Variants in ANGPT1 observed in about 807,000 individuals in gnomAD.
ANGPT1 encodes angiopoietin-1.
ANGPT1 carries 17 observed loss-of-function variants against 62.2 expected under a neutral mutation model. The ratio of observed to expected loss-of-function variants is 0.27; its 90% CI spans 0.19 to 0.41. ANGPT1 has a LOEUF of 0.41. Ranked by LOEUF, ANGPT1 falls within the 10% of genes least tolerant of loss-of-function variation. The pLI is 1.00. For synonymous variants in ANGPT1, 199 were observed against 198.9 expected (o/e 1.00, Z 0.00); for missense variants, 478 against 594.9 (o/e 0.80, Z 2.04).
intron 1 of ANGPT1, among the ~76,000 whole-genome samples, chr8:107,446,018 A>G (rs541458120): frequency 3.9e-4 from 59 of 152,230 alleles, no homozygotes; most frequent in African/African-American, 1.3e-3. Context: ...CCCGGGGTCA[A>G]GCGATTCTTC....
intron 4 of ANGPT1, among the ~76,000 whole-genome samples, chr8:107,312,932 G>A (rs1333400964): frequency 6.6e-6 from 1 of 152,042 alleles, no homozygotes; most frequent in African/African-American, 2.4e-5. Context: ...ATAATTCCTA[G>A]CTCTAGAGAG....
rs1563533704 is a variant in ANGPT1 at position 107,250,871 on chromosome 8, T to A, written c.*984A>T. ...TTACATGTATGTATACACATGCAAGTAGATACTGTAAAATGAACTGCTCCA... is the reference window on the plus strand; with the variant it reads ...TTACATGTATGTATACACATGCAAGAAGATACTGTAAAATGAACTGCTCCA... On this transcript the variant is annotated 3_prime_UTR_variant, in exon 9 of 9. Transcript: ENST00000517746. 1 of 152,074 alleles carries A rather than the reference T, an allele frequency of 6.6e-6. No homozygotes were observed. The highest frequency in any genetic ancestry group is 1.5e-5 in the Non-Finnish European group (1 of 67,966). 9.4% of individuals were successfully genotyped at this position (152,074 alleles called of 1,614,324 possible). A position where few individuals can be genotyped will look rare whatever the true frequency, so the allele number is the denominator to read the frequency against.
At chr8:107,472,189 A>T (rs543812395) in intron 1 of ANGPT1, among the ~76,000 whole-genome samples, 7 of 152,094 alleles carry the variant, frequency 4.6e-5, no homozygotes, top group Non-Finnish European at 1.0e-4. Flanking sequence ...TTGTCATAAC[A>T]TTGGCAAGCA....
intron 1 of ANGPT1, among the ~76,000 whole-genome samples, chr8:107,357,210 C>T (rs1229031369): frequency 6.6e-6 from 1 of 152,164 alleles, no homozygotes; most frequent in Admixed American, 6.5e-5. Context: ...CTGTCATGGA[C>T]AGCTCCAGTA....
intron 7 of ANGPT1, among the ~76,000 whole-genome samples, chr8:107,277,955 T>C (rs908874605): frequency 3.9e-5 from 6 of 152,178 alleles, no homozygotes; most frequent in African/African-American, 1.2e-4. Flanking sequence ...AAGGACATTG[T>C]TGGAGACAAT....
intron 1 of ANGPT1, among the ~76,000 whole-genome samples, chr8:107,482,993 C>T (rs1812726449): frequency 6.6e-6 from 1 of 151,988 alleles, no homozygotes. Context: ...AGAAAAGGAG[C>T]TTTCCAAATA....
chr8:107,460,120 G>A (rs944301367), intron 1 of ANGPT1, among the ~76,000 whole-genome samples: 5 of 152,176 alleles, frequency 3.3e-5, no homozygotes, highest in African/African-American at 4.8e-5. Flanking sequence ...TTCACAGTAC[G>A]AATCTGGTGA....
intron 1 of ANGPT1, among the ~76,000 whole-genome samples, chr8:107,422,422 T>C (rs558358824): frequency 9.8e-5 from 15 of 152,310 alleles, no homozygotes; most frequent in Admixed American, 3.9e-4. Flanking sequence ...TGTCCCATAG[T>C]GTTCACAGAA....
intron 1 of ANGPT1, among the ~76,000 whole-genome samples, chr8:107,450,705 G>GGTGTGT (rs140884696): frequency 0.39 from 55,788 of 142,172 alleles, 11,804 homozygotes; most frequent in East Asian, 0.61. Flanking sequence ...AATGGGAATA[G>GGTGTGT]GTGTGTGTGT....
intron 1 of ANGPT1, among the ~76,000 whole-genome samples, chr8:107,439,841 T>G (rs1811426379): frequency 2.0e-5 from 3 of 152,118 alleles, no homozygotes; most frequent in East Asian, 1.9e-4. Context: ...AGTCTATGTG[T>G]GCTGAGCTTG....
intron 4 of ANGPT1, among the ~76,000 whole-genome samples, chr8:107,319,380 T>C (rs1462174773): frequency 6.6e-6 from 1 of 152,140 alleles, no homozygotes; most frequent in Admixed American, 6.5e-5. Flanking sequence ...TCAATTAAAA[T>C]GTTTGGCTTT....
chr8:107,320,826 A>G (rs1815132965), intron 4 of ANGPT1, among the ~76,000 whole-genome samples: 1 of 152,140 alleles, frequency 6.6e-6, no homozygotes, highest in Non-Finnish European at 1.5e-5. Flanking sequence ...TTCCCTATTC[A>G]TAACTATAGA....
At chr8:107,268,398 A>T (rs1813663323) in intron 7 of ANGPT1, among the ~76,000 whole-genome samples, 1 of 143,488 alleles carries the variant, frequency 7.0e-6, no homozygotes, top group African/African-American at 2.8e-5. Flanking sequence ...AAAAATACAC[A>T]TGTAGGGTTG....
intron 5 of ANGPT1, among the ~76,000 whole-genome samples, chr8:107,295,908 T>C (rs776082874): frequency 4.6e-5 from 7 of 152,120 alleles, no homozygotes; most frequent in Non-Finnish European, 8.8e-5. Flanking sequence ...ATTCTCATGA[T>C]AGTCCTAGTA....
intron 1 of ANGPT1, among the ~76,000 whole-genome samples, chr8:107,475,555 G>C (rs1026380238): frequency 1.4e-4 from 21 of 152,216 alleles, no homozygotes; most frequent in Non-Finnish European, 2.2e-4. Flanking sequence ...AACACCAAAA[G>C]CAATGGCAAC....
chr8:107,444,870 C>A (rs1036846735), intron 1 of ANGPT1, among the ~76,000 whole-genome samples: 1 of 152,106 alleles, frequency 6.6e-6, no homozygotes, highest in Non-Finnish European at 1.5e-5. Flanking sequence ...ACTCCAGAGA[C>A]CAAACAACAA....
intron 8 of ANGPT1, among the ~76,000 whole-genome samples, chr8:107,257,542 G>T (rs557204637): frequency 6.6e-6 from 1 of 152,280 alleles, no homozygotes; most frequent in Non-Finnish European, 1.5e-5. Context: ...ACAGCAAAAT[G>T]AAAAGGTATA....
intron 1 of ANGPT1, among the ~76,000 whole-genome samples, chr8:107,406,971 T>C (rs1401648851): frequency 6.6e-6 from 1 of 151,834 alleles, no homozygotes; most frequent in Non-Finnish European, 1.5e-5. Flanking sequence ...AAGCCTGCAG[T>C]GTATTGGTCT....
chr8:107,335,891 AACT>A (rs5893843), intron 3 of ANGPT1, among the ~76,000 whole-genome samples: 57,608 of 151,660 alleles, frequency 0.38, 11,599 homozygotes, highest in East Asian at 0.48. Context: ...GTGAGATTTG[AACT>A]ACTACCATTA....
Sources: allele counts gnomAD v4.1 joint callset (sites outside exome capture counted in the v4.1 genomes callset), GRCh38; gene constraint gnomAD v4.1.1; transcripts MANE v1.5; gene names NCBI Gene and HGNC (gene_info 2026-07-23, HGNC 2026-07-21).